Variants in RAD51C observed in about 807,000 individuals in gnomAD.
The protein encoded by RAD51C is DNA repair protein RAD51 homolog 3.
Under a neutral mutation model 45.0 loss-of-function variants are expected in RAD51C, and 42 were observed. The observed-to-expected ratio is 0.93, with a 90% CI of 0.73 to 1.21. The LOEUF is 1.21. Among genes scored for constraint, RAD51C ranks in the 50% most tolerant of loss-of-function variants. The pLI, the probability that RAD51C is intolerant of heterozygous loss-of-function variation, is 0.00. For missense variants in RAD51C, 474 were observed against 452.2 expected, an observed-to-expected ratio of 1.05 and a Z score of -0.44; for synonymous variants, 172 against 159.8, an observed-to-expected ratio of 1.08 and a Z score of -0.58.
At chr17:58,718,295 G>C (rs2048807750) in intron 5 of RAD51C, among the ~76,000 whole-genome samples, 1 of 152,066 alleles carries the variant, frequency 6.6e-6, no homozygotes, top group African/African-American at 2.4e-5. Context: ...ACCGCGCCTG[G>C]GCTGTTTCTC....
chr17:58,727,076 T>G (rs968004914), intron 7 of RAD51C, among the ~76,000 whole-genome samples: 4 of 151,638 alleles, frequency 2.6e-5, no homozygotes, highest in African/African-American at 9.7e-5. Context: ...CGCCTCGGCC[T>G]CCCAAAGTGC....
At chr17:58,726,326 A>C (rs2049121963) in intron 7 of RAD51C, among the ~76,000 whole-genome samples, 1 of 150,624 alleles carries the variant, frequency 6.6e-6, no homozygotes, top group South Asian at 2.1e-4. Context: ...TATTTATTGA[A>C]TATTTCTTAA....
chr17:58,696,919 C>G (rs979789471), intron 3 of RAD51C, 60 bp downstream of exon 3: 1 of 1,554,448 alleles, frequency 6.4e-7, no homozygotes, highest in African/African-American at 1.4e-5. Context: ...GCATTTGTGC[C>G]CATCTGAGAC....
intron 5 of RAD51C, among the ~76,000 whole-genome samples, chr17:58,712,751 C>T (rs948536246): frequency 2.0e-5 from 3 of 151,696 alleles, no homozygotes; most frequent in Non-Finnish European, 2.9e-5. Flanking sequence ...ACCCGGGAGG[C>T]GGAGCTTGCA....
At chr17:58,699,310 G>C (rs2048130165) in intron 3 of RAD51C, among the ~76,000 whole-genome samples, 1 of 151,774 alleles carries the variant, frequency 6.6e-6, no homozygotes, top group African/African-American at 2.4e-5. Context: ...CCGGCCTATT[G>C]TTTTCTTTTT....
chr17:58,698,245 C>A (rs917521979), intron 3 of RAD51C, among the ~76,000 whole-genome samples: 1 of 147,276 alleles, frequency 6.8e-6, no homozygotes, highest in East Asian at 2.0e-4. Flanking sequence ...TGTAATGGCA[C>A]AATCTCGGCT....
Position 58,725,285 on chromosome 17 carries a change from A to T in RAD51C, c.965+1185A>T, listed in dbSNP as rs751394103. Among the ~76,000 whole-genome samples, 158 of 152,330 alleles carry T rather than the reference A, an allele frequency of 1.0e-3. 1 individual carries two copies. Among genetic ancestry groups the T allele is most frequent in the Middle Eastern group, 3.4e-3 (1 of 294 alleles). ...TTTTGTAAGTAAGTTGCTGTATACT[A>T]GAGTCACAAAAGGAGTTATTTTCTC... On this transcript the variant is annotated intron_variant, in intron 7 of 8. Coordinates refer to ENST00000337432, the MANE Select transcript of RAD51C (RefSeq NM_058216.3).
In RAD51C at chr17:58,696,793, GT is replaced by G; in HGVS notation, c.506del (p.Val169GlyfsTer2). 1 of 1,614,170 alleles carries G rather than the reference GT, an allele frequency of 6.2e-7. No homozygotes were observed. The highest frequency in any genetic ancestry group is 8.5e-7 in the Non-Finnish European group (1 of 1,180,034). On this transcript the variant is annotated frameshift_variant, in exon 3 of 9. Transcript: ENST00000337432. LOFTEE classifies it high-confidence loss of function. ...DTEGSFMVDR[V>X]VDLATACIQH... ...AGAGGGAAGTTTTATGGTTGATAGA[GT>G]GGTAGACCTTGCTACTGCCTGCATT...
chr17:58,725,731 A>T (rs1393012009), intron 7 of RAD51C, among the ~76,000 whole-genome samples: 1 of 152,170 alleles, frequency 6.6e-6, no homozygotes, highest in Non-Finnish European at 1.5e-5. Flanking sequence ...GCAGTGGCTC[A>T]CACCTGTAAT....
intron 7 of RAD51C, among the ~76,000 whole-genome samples, chr17:58,724,698 G>A (rs304269): frequency 0.3 from 45,194 of 151,948 alleles, 7,190 homozygotes; most frequent in Middle Eastern, 0.48. Context: ...CTGAGCAAGT[G>A]AACAAACCAG....
At chr17:58,716,859 C>G (rs2143901738) in intron 5 of RAD51C, among the ~76,000 whole-genome samples, 1 of 151,764 alleles carries the variant, frequency 6.6e-6, no homozygotes, top group Middle Eastern at 3.4e-3. Context: ...CAAGCTCTGC[C>G]TCCCGGGTTC....
At chr17:58,704,505 G>A (rs1166255631) in intron 4 of RAD51C, among the ~76,000 whole-genome samples, 1 of 151,516 alleles carries the variant, frequency 6.6e-6, no homozygotes, top group Non-Finnish European at 1.5e-5. Context: ...TGCTCACCTG[G>A]CTGGCCTGCC....
rs538884532 is a variant in RAD51C at position 58,703,231 on chromosome 17, A to G, written c.607A>G (p.Asn203Asp). The change falls in exon 4 of 9, where the codon AAT becomes GAT. Residue 203 changes from asparagine to aspartate, a missense_variant. Physicochemically the swap from Asn to Asp is conservative, Grantham distance 23. Transcript: ENST00000337432. ...AGCTTTGGAGGATTTCACTCTTGAT[A>G]ATATTCTTTCTCATATTTATTATTT... ...RKALEDFTLD[N>D]ILSHIYYFRC... is the part of the protein sequence containing the mutation. 3 of 1,609,606 alleles carry G rather than the reference A, an allele frequency of 1.9e-6. No homozygotes were observed. The highest frequency in any genetic ancestry group is 3.3e-5 in the Admixed American group (2 of 59,978).
At chr17:58,695,338 TTG>T in intron 2 of RAD51C, 149 bp downstream of exon 2, 1 of 1,403,540 alleles carries the variant, frequency 7.1e-7, no homozygotes, top group Non-Finnish European at 9.3e-7. Context: ...AGCTTACTAT[TTG>T]TGTTACTTCA....
intron 7 of RAD51C, among the ~76,000 whole-genome samples, chr17:58,726,727 T>G (rs1183335651): frequency 6.6e-6 from 1 of 152,100 alleles, no homozygotes; most frequent in African/African-American, 2.4e-5. Flanking sequence ...CGTAAATCTT[T>G]GAAATAGTGT....
rs776534031 is a variant in RAD51C, at chr17:58,696,841, G to GAAA, written c.556_558dup (p.Lys186dup). 3.7e-6 allele frequency: 6 copies of GAAA among 1,614,044 alleles called. No homozygotes were observed. In the East Asian group the frequency reaches 1.1e-4, roughly 30 times the overall value. On this transcript the variant is annotated inframe_insertion, in exon 3 of 9. Transcript: ENST00000337432. ...CATTCAGCACCTTCAGCTTATAGCA[G>GAAA]AAAAACACAAGGGAGAGGGTAAGTT...
Position 58,699,394 on chromosome 17 carries a change from T to A in RAD51C, c.571+2535T>A, listed in dbSNP as rs1355214976. The stretch of plus-strand genomic sequence containing the variant: ...AAAGTTTTAAAAAAAATGCTTTTCA[T>A]AAGATTTCCTTTAAATGAGTATATT... On this transcript the variant is annotated intron_variant, in intron 3 of 8. Coordinates refer to ENST00000337432, the MANE Select transcript of RAD51C (RefSeq NM_058216.3). 2.0e-5 allele frequency among the ~76,000 whole-genome samples: 3 copies of A among 152,066 alleles called. No individual in the cohort carries two copies. In the East Asian group the frequency reaches 5.8e-4, roughly 29 times the overall value.
intron 1 of RAD51C, 74 bp downstream of exon 1, chr17:58,692,862 C>T (rs2047827999): frequency 1.2e-6 from 2 of 1,605,682 alleles, no homozygotes; most frequent in South Asian, 1.1e-5. Flanking sequence ...TCTCTCGCCT[C>T]GGCCTTCAGC....
At chr17:58,706,581 C>T (rs756377312) in intron 4 of RAD51C, 3 of 457,880 alleles carry the variant, frequency 6.6e-6, no homozygotes, top group Admixed American at 2.5e-5. Flanking sequence ...AAACCAAGGA[C>T]GACATAGCAT....
Sources: allele counts gnomAD v4.1 joint callset (sites outside exome capture counted in the v4.1 genomes callset), GRCh38; gene constraint gnomAD v4.1.1; transcripts MANE v1.5; gene names NCBI Gene and HGNC (gene_info 2026-07-23, HGNC 2026-07-21).